The following EFHC2 variants were observed in gnomAD, a reference collection of about 807,000 sequenced individuals.
The protein encoded by EFHC2 is EF-hand domain-containing family member C2.
A neutral mutation model predicts 52.7 loss-of-function variants in EFHC2; 18 were observed. That is an observed-to-expected ratio of 0.34 (90% CI 0.24 to 0.51). The LOEUF is 0.51. Among genes scored for constraint, EFHC2 ranks in the 20% least tolerant of loss-of-function variants. The probability of loss-of-function intolerance (pLI) is 0.97; values close to 1 mark genes in which losing one functional copy is unlikely to be tolerated. For missense variants in EFHC2, 513 were observed against 562.5 expected (o/e 0.91, Z 0.89); for synonymous variants, 203 against 204.1 (o/e 0.99, Z 0.04).
intron 11 of EFHC2, among the ~76,000 whole-genome samples, chrX:44,183,693 G>T (rs1286393596): frequency 3.6e-5 from 4 of 111,896 alleles, no homozygotes; most frequent in Admixed American, 9.5e-5. Context: ...GCTTCATACT[G>T]CCCACCTCCA....
chrX:44,174,398 A>C (rs2036768557), intron 13 of EFHC2, among the ~76,000 whole-genome samples: 1 of 110,803 alleles, frequency 9.0e-6, no homozygotes, highest in Non-Finnish European at 1.9e-5. Context: ...CAGTGTCTGC[A>C]TCTGAATGAA....
intron 1 of EFHC2, among the ~76,000 whole-genome samples, chrX:44,324,901 G>A (rs1052304503): frequency 1.3e-4 from 15 of 112,017 alleles, no homozygotes; most frequent in African/African-American, 3.9e-4. Context: ...TCAGCCACAC[G>A]TAATTATTTA....
intron 14 of EFHC2, among the ~76,000 whole-genome samples, 200 bp downstream of exon 14, chrX:44,163,722 G>A (rs1602128716): frequency 1.8e-5 from 2 of 112,179 alleles, no homozygotes; most frequent in Non-Finnish European, 3.8e-5. Flanking sequence ...CATAAGAAAA[G>A]TCATGCTTTT....
chrX:44,163,506 C>T (rs1159921820), intron 14 of EFHC2, among the ~76,000 whole-genome samples: 1 of 111,861 alleles, frequency 8.9e-6, no homozygotes, highest in Admixed American at 9.5e-5. Flanking sequence ...TATTGTTTCA[C>T]CCATGGCAAA....
intron 11 of EFHC2, among the ~76,000 whole-genome samples, chrX:44,228,325 A>G (rs1014982614): frequency 1.8e-5 from 2 of 111,868 alleles, no homozygotes; most frequent in African/African-American, 3.3e-5. Context: ...TAAACTCACT[A>G]AAGTGTTTCC....
intron 2 of EFHC2, chrX:44,310,478 G>A (rs1013424648): frequency 3.3e-6 from 2 of 612,902 alleles, no homozygotes; most frequent in Non-Finnish European, 4.8e-6. Context: ...GGAGAGCATG[G>A]TGGTAGCGCG....
chrX:44,209,676 G>A (rs1018045173), intron 11 of EFHC2, among the ~76,000 whole-genome samples: 3 of 108,612 alleles, frequency 2.8e-5, no homozygotes, highest in African/African-American at 6.7e-5. Flanking sequence ...CAGGCCACGG[G>A]CTGGTACCAG....
rs1051707168 is a variant in EFHC2 at position 44,231,917 on chromosome X, C to A, written c.1620+564G>T. ...ATTGCCATAATGGCACTTGCAGTAA[C>A]AGTACCCATCTGCCATCTTATTTCA... On this transcript the variant is annotated intron_variant, in intron 10 of 14. Transcript: ENST00000420999. 4.5e-5 allele frequency among the ~76,000 whole-genome samples: 5 copies of A among 111,709 alleles called. No individual in the cohort carries two copies. The East Asian group carries it at 1.4e-3, about 32-fold the overall frequency.
In EFHC2 at chrX:44,287,223, T is replaced by C. The variant is rs1394211636; in HGVS notation, c.232-14387A>G. Among the ~76,000 whole-genome samples the C allele has an allele frequency of 6.4e-5, 7 of 110,014 alleles. No individual in the cohort carries two copies. In the East Asian group the frequency reaches 1.4e-3, roughly 22 times the overall value. ...ATTTTTTAAATAAAAAATGTAAGTA[T>C]ACACTCAACAAGGTAAGCAAGATAT... On this transcript the variant is annotated intron_variant, in intron 2 of 14. Transcript: ENST00000420999.
At chrX:44,219,926 G>T (rs368785984) in intron 11 of EFHC2, among the ~76,000 whole-genome samples, 1 of 111,537 alleles carries the variant, frequency 9.0e-6, no homozygotes, top group Non-Finnish European at 1.9e-5. Context: ...TCTGGAAACT[G>T]AAGCAAGAAA....
chrX:44,291,990 C>T (rs907349682), intron 2 of EFHC2, among the ~76,000 whole-genome samples: 10 of 111,475 alleles, frequency 9.0e-5, no homozygotes, highest in African/African-American at 2.6e-4. Flanking sequence ...AAAAATGATA[C>T]TAGGACTAGA....
intron 9 of EFHC2, among the ~76,000 whole-genome samples, 152 bp downstream of exon 9, chrX:44,235,153 G>C (rs1352300454): frequency 5.4e-5 from 6 of 111,167 alleles, no homozygotes; most frequent in African/African-American, 2.0e-4. Context: ...TAAGAGATCT[G>C]TAAAAAGAAC....
chrX:44,322,153 G>A (rs1302541300), intron 1 of EFHC2, among the ~76,000 whole-genome samples: 1 of 110,605 alleles, frequency 9.0e-6, no homozygotes, highest in Non-Finnish European at 1.9e-5. Flanking sequence ...CCTTGAAAGG[G>A]CAGCAGTGGT....
At chrX:44,340,293 A>G (rs760807022) in intron 1 of EFHC2, among the ~76,000 whole-genome samples, 24 of 111,759 alleles carry the variant, frequency 2.1e-4, no homozygotes, top group Admixed American at 4.8e-4. Flanking sequence ...ATAGGCAGAC[A>G]ACCCAGTAAA....
intron 7 of EFHC2, among the ~76,000 whole-genome samples, chrX:44,244,874 C>T (rs2037387017): frequency 8.9e-6 from 1 of 112,218 alleles, no homozygotes; most frequent in African/African-American, 3.2e-5. Context: ...ATTGGGACCC[C>T]TGGAAAGGAA....
At chrX:44,214,567 G>A (rs886963338) in intron 11 of EFHC2, among the ~76,000 whole-genome samples, 1 of 112,123 alleles carries the variant, frequency 8.9e-6, no homozygotes, top group Non-Finnish European at 1.9e-5. Flanking sequence ...CAGCAAACAT[G>A]GAGGGAGTTT....
chrX:44,176,411 T>C, intron 12 of EFHC2, 27 bp from the exon 13 acceptor site: 1 of 1,008,916 alleles, frequency 9.9e-7, no homozygotes, highest in Non-Finnish European at 1.4e-6. Flanking sequence ...TAAATGAGCT[T>C]TTATATACCT....
chrX:44,248,918 T>C lies in EFHC2; in HGVS notation c.859-2A>G. ...TTGATAGACTCTAGGTGGGCAATTC[T>C]GGAAGACAAAATCAAAACAAGATGT... On this transcript the variant is annotated splice_acceptor_variant, in intron 5 of 14. Transcript: ENST00000420999. LOFTEE classifies it high-confidence loss of function. 8.5e-7 allele frequency: 1 copy of C among 1,173,360 alleles called. No homozygotes were observed. Among genetic ancestry groups the C allele is most frequent in the South Asian group, 1.9e-5 (1 of 52,063 alleles).
At chrX:44,294,249 C>CGT (rs200162737) in intron 2 of EFHC2, among the ~76,000 whole-genome samples, 15,271 of 87,224 alleles carry the variant, frequency 0.18, 1,304 homozygotes, top group Middle Eastern at 0.26. Context: ...GTATACTCAA[C>CGT]GTGTGTGTGT....
Sources: allele counts gnomAD v4.1 joint callset (sites outside exome capture counted in the v4.1 genomes callset), GRCh38; gene constraint gnomAD v4.1.1; transcripts MANE v1.5; gene names NCBI Gene and HGNC (gene_info 2026-07-23, HGNC 2026-07-21).